Variants in CNOT10 observed in about 807,000 individuals in gnomAD.
The protein encoded by CNOT10 is CCR4-NOT transcription complex, subunit 10.
CNOT10 carries 30 observed loss-of-function variants against 94.6 expected under a neutral mutation model. That is an observed-to-expected ratio of 0.32 (90% confidence interval 0.24 to 0.43). CNOT10 has a LOEUF of 0.43. Among genes scored for constraint, CNOT10 ranks in the 20% least tolerant of loss-of-function variants. The pLI is 1.00. For missense variants in CNOT10, 759 were observed against 877.2 expected (o/e 0.87, Z 1.70); for synonymous variants, 289 against 301.6 (o/e 0.96, Z 0.43).
chr3:32,686,915 C>T (rs1696626238), intron 1 of CNOT10, among the ~76,000 whole-genome samples: 1 of 152,194 alleles, frequency 6.6e-6, no homozygotes. Flanking sequence ...ATATGACACA[C>T]TCCCTGCCTT....
chr3:32,733,702 G>A (rs766397548), intron 11 of CNOT10, among the ~76,000 whole-genome samples, 158 bp downstream of exon 11: 26 of 152,102 alleles, frequency 1.7e-4, no homozygotes, highest in South Asian at 4.1e-4. Flanking sequence ...CTCATGTATA[G>A]GTCCATAGTG....
chr3:32,766,003 AT>A (rs755221571), intron 17 of CNOT10, among the ~76,000 whole-genome samples: 2,667 of 33,362 alleles, frequency 0.08, 899 homozygotes, highest in African/African-American at 0.11. Context: ...TATGCTTTTA[AT>A]TTTTTTTTTT....
rs182630524 is a variant in CNOT10 at position 32,755,248 on chromosome 3, A to G, written c.1596-4210A>G. On this transcript the variant is annotated intron_variant, in intron 13 of 18. Transcript: ENST00000328834. ...GTGACAAGAGCGAAACTCCATATCA[A>G]AAAAAAAAGAAAGAAAAGAAATTAC... 5.3e-3 allele frequency among the ~76,000 whole-genome samples: 791 copies of G among 150,268 alleles called. 6 individuals carry two copies. The highest frequency in any genetic ancestry group is 0.018 in the African/African-American group (729 of 41,200).
At chr3:32,736,437 C>A (rs1699194822) in intron 12 of CNOT10, among the ~76,000 whole-genome samples, 1 of 152,026 alleles carries the variant, frequency 6.6e-6, no homozygotes. Flanking sequence ...TCTCCCATCC[C>A]AGCATTTTTT....
intron 1 of CNOT10, chr3:32,695,396 G>A (rs1246112434): frequency 1.0e-5 from 5 of 483,972 alleles, no homozygotes; most frequent in Non-Finnish European, 1.8e-5. Flanking sequence ...GATTTCCTTA[G>A]GTCTTTTAAC....
At chr3:32,687,270 C>A (rs1288633756) in intron 1 of CNOT10, among the ~76,000 whole-genome samples, 1 of 151,888 alleles carries the variant, frequency 6.6e-6, no homozygotes, top group Non-Finnish European at 1.5e-5. Context: ...CTATCCCATC[C>A]ATTTTCCTCA....
intron 1 of CNOT10, among the ~76,000 whole-genome samples, chr3:32,691,881 C>T (rs750548494): frequency 1.6e-4 from 25 of 151,802 alleles, no homozygotes; most frequent in Non-Finnish European, 2.8e-4. Context: ...CATGGTGAAA[C>T]CCTGTCTCTA....
At position 32,727,867 on chromosome 3, in the gene CNOT10, G is replaced by T. The variant is rs1698750661; in HGVS notation, c.1212G>T (p.Lys404Asn). ...CTGAATGCTGCATTGCTGCCAATAA[G>T]GGGGTGAGTGCTACTTGGGTATCTT... ...RLAECCIAAN[K>N]GTSEQETKGL... The change falls in exon 10 of 19, where the codon AAG becomes AAT. Residue 404 changes from lysine (K) to asparagine (N), a missense_variant. Lys to Asn is a moderately conservative substitution (Grantham distance 94). Coordinates refer to ENST00000328834, the MANE Select transcript of CNOT10 (RefSeq NM_015442.3). 6 of 1,611,578 alleles carry T rather than the reference G, an allele frequency of 3.7e-6. No individual in the cohort carries two copies. The highest frequency in any genetic ancestry group is 4.2e-6 in the Non-Finnish European group (5 of 1,179,300).
At position 32,751,230 on chromosome 3, in the gene CNOT10, A is replaced by G. The variant is rs537860960; in HGVS notation, c.1596-8228A>G. Among the ~76,000 whole-genome samples the G allele has an allele frequency of 5.2e-3, 794 of 152,162 alleles. 6 individuals are homozygous for G. Among genetic ancestry groups the G allele is most frequent in the African/African-American group, 0.018 (731 of 41,530 alleles). Reference sequence around the variant, plus strand: ...GCCCTCCCACCTCTGCGTCCCAAGTAGCTGGGACTACAGATGTGCACCACC... The same window carrying G: ...GCCCTCCCACCTCTGCGTCCCAAGTGGCTGGGACTACAGATGTGCACCACC... On this transcript the variant is annotated intron_variant, in intron 13 of 18. Coordinates refer to ENST00000328834, the MANE Select transcript of CNOT10 (RefSeq NM_015442.3).
chr3:32,753,921 C>T, intron 13 of CNOT10: 1 of 1,057,938 alleles, frequency 9.5e-7, no homozygotes, highest in Non-Finnish European at 1.4e-6. Context: ...TTTGCTCTCA[C>T]ACACACACAC....
chr3:32,724,150 C>T (rs924660429), intron 8 of CNOT10, among the ~76,000 whole-genome samples: 1 of 151,652 alleles, frequency 6.6e-6, no homozygotes, highest in South Asian at 2.1e-4. Context: ...AATTCCCAAA[C>T]ATGAAAAGAT....
chr3:32,726,688 T>A (rs1698681602), intron 9 of CNOT10, among the ~76,000 whole-genome samples: 1 of 114,768 alleles, frequency 8.7e-6, no homozygotes, highest in Admixed American at 9.8e-5. Flanking sequence ...AGAGCGAGAC[T>A]CTGTCCATAA....
At chr3:32,719,526 G>A (rs1298542985) in intron 7 of CNOT10, among the ~76,000 whole-genome samples, 1 of 152,062 alleles carries the variant, frequency 6.6e-6, no homozygotes, top group Non-Finnish European at 1.5e-5. Flanking sequence ...TACTATCTAG[G>A]GTCCTCCACC....
intron 9 of CNOT10, among the ~76,000 whole-genome samples, chr3:32,726,658 T>C (rs760749039): frequency 4.0e-5 from 6 of 150,472 alleles, no homozygotes; most frequent in Non-Finnish European, 8.9e-5. Context: ...ATCATGCCAC[T>C]GCACTCCAGC....
chr3:32,699,084 C>A (rs985737733), intron 1 of CNOT10, among the ~76,000 whole-genome samples: 13 of 152,188 alleles, frequency 8.5e-5, no homozygotes, highest in Non-Finnish European at 1.6e-4. Flanking sequence ...CCACACCTGG[C>A]CAACAACTGG....
chr3:32,731,067 A>T (rs2125573514), intron 10 of CNOT10: 1 of 152,368 alleles, frequency 6.6e-6, no homozygotes, highest in South Asian at 2.1e-4. Context: ...AAAAGAGAAG[A>T]GAATATGGAT....
At chr3:32,705,031 C>T in intron 3 of CNOT10, 59 bp downstream of exon 3, 1 of 1,052,260 alleles carries the variant, frequency 9.5e-7, no homozygotes, top group Non-Finnish European at 1.3e-6. Flanking sequence ...ATTTATGAAA[C>T]ACAAATAGTT....
chr3:32,695,885 A>G (rs950668718), intron 1 of CNOT10: 4 of 1,362,396 alleles, frequency 2.9e-6, no homozygotes, highest in East Asian at 5.0e-5. Flanking sequence ...AAAACTGATT[A>G]CAAAAATGAA....
intron 1 of CNOT10, among the ~76,000 whole-genome samples, chr3:32,692,276 T>A (rs996656821): frequency 2.6e-5 from 4 of 152,148 alleles, no homozygotes; most frequent in Non-Finnish European, 2.9e-5. Context: ...AAAATTTATT[T>A]GTAGGCACAG....
Sources: allele counts gnomAD v4.1 joint callset (sites outside exome capture counted in the v4.1 genomes callset), GRCh38; gene constraint gnomAD v4.1.1; transcripts MANE v1.5; gene names NCBI Gene and HGNC (gene_info 2026-07-23, HGNC 2026-07-21).